The following ULK4 variants were observed in gnomAD, a reference collection of about 807,000 sequenced individuals.
The protein encoded by ULK4 is unc-51 like kinase 4.
A neutral mutation model predicts 160.6 loss-of-function variants in ULK4; 133 were observed. The observed-to-expected ratio is 0.83, with a 90% CI of 0.72 to 0.96. ULK4 has a LOEUF of 0.96. ULK4 is among the 40% of genes least tolerant of loss of function. The pLI, the probability that ULK4 is intolerant of heterozygous loss-of-function variation, is 0.00. For synonymous variants in ULK4, 534 were observed against 539.8 expected, an observed-to-expected ratio of 0.99 and a Z score of 0.15; for missense variants, 1,580 against 1,499.5, an observed-to-expected ratio of 1.05 and a Z score of -0.89.
At chr3:41,622,501 A>C (rs2033297971) in intron 30 of ULK4, among the ~76,000 whole-genome samples, 2 of 152,088 alleles carry the variant, frequency 1.3e-5, no homozygotes, top group Non-Finnish European at 2.9e-5. Context: ...AGGAACAGAA[A>C]ACTAAACGCT....
intron 21 of ULK4, among the ~76,000 whole-genome samples, chr3:41,776,135 G>A (rs1024626762): frequency 6.0e-5 from 9 of 150,736 alleles, no homozygotes; most frequent in Admixed American, 2.0e-4. Flanking sequence ...TTACATGTTC[G>A]CCAATCTGAA....
intron 32 of ULK4, among the ~76,000 whole-genome samples, chr3:41,519,594 C>A (rs2125930381): frequency 1.3e-5 from 2 of 152,232 alleles, no homozygotes; most frequent in East Asian, 3.9e-4. Context: ...CATACATGAA[C>A]ATGTAGGAAA....
At chr3:41,876,588 G>C (rs1263454882) in intron 17 of ULK4, among the ~76,000 whole-genome samples, 1 of 152,108 alleles carries the variant, frequency 6.6e-6, no homozygotes, top group Admixed American at 6.5e-5. Context: ...GAGAGCTTGC[G>C]CAAGTGCATC....
At chr3:41,325,158 G>C (rs1575433920) in intron 35 of ULK4, among the ~76,000 whole-genome samples, 3 of 152,066 alleles carry the variant, frequency 2.0e-5, no homozygotes, top group Non-Finnish European at 4.4e-5. Context: ...GACATCATAC[G>C]CTCAGTCCCT....
chr3:41,426,638 A>G (rs1219175105), intron 34 of ULK4, among the ~76,000 whole-genome samples: 1 of 152,196 alleles, frequency 6.6e-6, no homozygotes, highest in African/African-American at 2.4e-5. Flanking sequence ...AACTACATAG[A>G]AATCGAACAA....
chr3:41,273,321 C>T (rs546216069), intron 35 of ULK4, among the ~76,000 whole-genome samples: 12 of 152,194 alleles, frequency 7.9e-5, no homozygotes, highest in Non-Finnish European at 1.2e-4. Flanking sequence ...TGTATTCTAC[C>T]CTATGCCCCA....
At chr3:41,938,609 G>A (rs1271870231) in intron 2 of ULK4, among the ~76,000 whole-genome samples, 2 of 152,176 alleles carry the variant, frequency 1.3e-5, no homozygotes, top group Admixed American at 1.3e-4. Flanking sequence ...TTGAACTCAG[G>A]AGGCAGAAGT....
At chr3:41,424,883 T>C (rs1459919302) in intron 34 of ULK4, among the ~76,000 whole-genome samples, 1 of 145,746 alleles carries the variant, frequency 6.9e-6, no homozygotes, top group Non-Finnish European at 1.5e-5. Context: ...CCAGAGTGTC[T>C]CTTCTCCTCC....
At chr3:41,805,789 T>C (rs1213827458) in intron 19 of ULK4, among the ~76,000 whole-genome samples, 2 of 148,438 alleles carry the variant, frequency 1.3e-5, no homozygotes, top group Non-Finnish European at 3.0e-5. Flanking sequence ...ATTACATTTA[T>C]TGATTTGCGT....
rs781570274 is a variant in ULK4, at chr3:41,883,999, G to A, written c.1578-47C>T. 9.2e-5 allele frequency: 124 copies of A among 1,353,380 alleles called. 1 individual carries two copies. Among genetic ancestry groups the A allele is most frequent in the South Asian group, 2.6e-4 (22 of 85,276 alleles). 83.8% of individuals were successfully genotyped at this position (1,353,380 alleles called of 1,614,324 possible). On this transcript the variant is annotated intron_variant, in intron 16 of 36. Transcript: ENST00000301831. ...GCTCTGAAAAGAAGAGTCGGGGACC[G>A]AGGAAACTAATCCCAGCTAGTTACA...
intron 15 of ULK4, 114 bp downstream of exon 15, chr3:41,896,708 A>T (rs1698170355): frequency 8.3e-6 from 10 of 1,209,878 alleles, no homozygotes; most frequent in Middle Eastern, 2.9e-4. Flanking sequence ...TAAACCTAAA[A>T]TCGTGATAAA....
intron 35 of ULK4, among the ~76,000 whole-genome samples, chr3:41,384,193 G>C (rs1304148985): frequency 6.6e-6 from 1 of 151,990 alleles, no homozygotes; most frequent in Non-Finnish European, 1.5e-5. Flanking sequence ...TATAGTATAA[G>C]GGGCCACTAT....
intron 35 of ULK4, among the ~76,000 whole-genome samples, chr3:41,334,679 T>C (rs561712566): frequency 6.6e-6 from 1 of 152,324 alleles, no homozygotes; most frequent in South Asian, 2.1e-4. Flanking sequence ...TGAGGCTACA[T>C]ACCATTAAAA....
Position 41,918,541 on chromosome 3 carries a change from C to A in ULK4, c.644-1G>T. On this transcript the variant is annotated splice_acceptor_variant, in intron 6 of 36. Transcript: ENST00000301831. LOFTEE classifies it high-confidence loss of function. ...CTTTCTGAGAAGAATGGAGGTTTTC[C>A]TGAAATCACATGAAAACTTGCAAAA... 1 of 1,540,338 alleles carries A rather than the reference C, an allele frequency of 6.5e-7. No individual in the cohort carries two copies. The highest frequency in any genetic ancestry group is 8.8e-7 in the Non-Finnish European group (1 of 1,139,484).
chr3:41,503,438 A>G (rs997472402), intron 32 of ULK4, among the ~76,000 whole-genome samples: 5 of 152,208 alleles, frequency 3.3e-5, no homozygotes, highest in African/African-American at 1.2e-4. Flanking sequence ...GTTGTTGACA[A>G]CCTCAGGATG....
chr3:41,663,616 G>C lies in ULK4; in HGVS notation c.3062C>G (p.Thr1021Ser). The C allele has an allele frequency of 1.2e-6, 2 of 1,613,686 alleles. No homozygotes were observed. The highest frequency in any genetic ancestry group is 1.7e-6 in the Non-Finnish European group (2 of 1,179,642). ...TTTGAACTTCCAGTACCTTGTGAAA[G>C]TTGGGTTGTGTTCAGTCATCGCGAC... is the stretch of plus-strand genomic sequence containing the variant. ...LLVAMTEHNPTFTRLVEESKL... is the reference protein window; with the variant it reads ...LLVAMTEHNPSFTRLVEESKL... Residue 1021 changes from threonine (T) to serine (S), a missense_variant, in exon 30 of 37, where the codon ACT becomes AGT. Thr to Ser is a moderately conservative substitution (Grantham distance 58). Coordinates refer to ENST00000301831, the MANE Select transcript of ULK4 (RefSeq NM_017886.4).
intron 32 of ULK4, among the ~76,000 whole-genome samples, chr3:41,527,610 T>G (rs977262289): frequency 2.0e-5 from 3 of 152,238 alleles, no homozygotes; most frequent in African/African-American, 7.2e-5. Context: ...CAATGTAATG[T>G]TGTCCACCTA....
chr3:41,713,462 C>G (rs1321496699), intron 25 of ULK4, among the ~76,000 whole-genome samples: 1 of 152,162 alleles, frequency 6.6e-6, no homozygotes, highest in Non-Finnish European at 1.5e-5. Flanking sequence ...AAGGTGAACA[C>G]ACAGTTAAGG....
intron 18 of ULK4, among the ~76,000 whole-genome samples, chr3:41,825,166 A>G (rs1419144355): frequency 3.3e-5 from 5 of 151,952 alleles, no homozygotes; most frequent in Admixed American, 1.3e-4. Context: ...CCATCTGTAC[A>G]TCACCATCAT....
Sources: gnomAD v4.1 joint callset for allele counts (sites outside exome capture counted in the v4.1 genomes callset) on GRCh38, gnomAD v4.1.1 for gene constraint, MANE v1.5 for transcripts, NCBI Gene and HGNC (gene_info 2026-07-23, HGNC 2026-07-21) for gene names.